Variants in ARFIP1 observed in about 807,000 individuals in gnomAD.
ARFIP1 encodes ARF interacting protein 1, also known as arfaptin-1.
In ARFIP1, 24 loss-of-function variants were observed where a neutral mutation model predicts 42.5. The ratio of observed to expected loss-of-function variants is 0.57; its 90% CI spans 0.41 to 0.80. ARFIP1 has a LOEUF of 0.80. Ranked by LOEUF, ARFIP1 falls within the 30% of genes least tolerant of loss-of-function variation. The probability of loss-of-function intolerance (pLI) is 0.00; values close to 1 mark genes in which losing one functional copy is unlikely to be tolerated. For missense variants in ARFIP1, 354 were observed against 434.0 expected, an observed-to-expected ratio of 0.82 and a Z score of 1.64; for synonymous variants, 141 against 153.7, an observed-to-expected ratio of 0.92 and a Z score of 0.61.
At chr4:152,845,697 A>G (rs1174317471) in intron 2 of ARFIP1, among the ~76,000 whole-genome samples, 1 of 152,182 alleles carries the variant, frequency 6.6e-6, no homozygotes, top group East Asian at 1.9e-4. Context: ...GACAAAAAAT[A>G]ACATACTGGC....
At chr4:152,847,146 T>TTTTTTTTTTTG in intron 2 of ARFIP1, among the ~76,000 whole-genome samples, 1 of 138,678 alleles carries the variant, frequency 7.2e-6, no homozygotes, top group Non-Finnish European at 1.6e-5. Flanking sequence ...TTTTTTTTTT[T>TTTTTTTTTTTG]TTGAGACAGA....
intron 7 of ARFIP1, among the ~76,000 whole-genome samples, chr4:152,886,066 A>T (rs1736235881): frequency 6.6e-6 from 1 of 152,040 alleles, no homozygotes; most frequent in Non-Finnish European, 1.5e-5. Flanking sequence ...CTAACTAGTT[A>T]TTATTGCCAA....
At chr4:152,823,769 TC>T (rs1200671571) in intron 1 of ARFIP1, among the ~76,000 whole-genome samples, 2 of 77,814 alleles carry the variant, frequency 2.6e-5, no homozygotes, top group Non-Finnish European at 4.3e-5. Flanking sequence ...ACAGCAAGTC[TC>T]CATCTCAAAA....
intron 7 of ARFIP1, among the ~76,000 whole-genome samples, chr4:152,884,508 T>A (rs1736111438): frequency 1.3e-5 from 2 of 152,020 alleles, no homozygotes; most frequent in African/African-American, 4.8e-5. Flanking sequence ...TGTTTTAACA[T>A]GTATGGGTTT....
At chr4:152,827,411 C>T (rs1177469038) in intron 1 of ARFIP1, among the ~76,000 whole-genome samples, 1 of 152,144 alleles carries the variant, frequency 6.6e-6, no homozygotes, top group East Asian at 1.9e-4. Context: ...CCTACATTGA[C>T]ACATCATCAC....
intron 8 of ARFIP1, among the ~76,000 whole-genome samples, chr4:152,902,646 T>G (rs1017820946): frequency 1.3e-5 from 2 of 152,254 alleles, no homozygotes; most frequent in African/African-American, 4.8e-5. Flanking sequence ...ATACCTGCTC[T>G]TTCTTTCATT....
At chr4:152,872,652 G>A in intron 5 of ARFIP1, 88 bp downstream of exon 5, 1 of 651,396 alleles carries the variant, frequency 1.5e-6, no homozygotes, top group Non-Finnish European at 2.5e-6. Flanking sequence ...GCAATTAAAT[G>A]CACATAGAGA....
chr4:152,876,813 A>G (rs1735384477), intron 5 of ARFIP1, among the ~76,000 whole-genome samples: 1 of 152,196 alleles, frequency 6.6e-6, no homozygotes, highest in South Asian at 2.1e-4. Context: ...CCTGTGTCCT[A>G]GCCGCTCCAG....
intron 1 of ARFIP1, among the ~76,000 whole-genome samples, chr4:152,794,435 A>G (rs1217753927): frequency 1.3e-5 from 2 of 152,174 alleles, no homozygotes; most frequent in African/African-American, 4.8e-5. Context: ...AGAATACCAC[A>G]AAAATGATGT....
At chr4:152,803,490 A>G (rs1578829062) in intron 1 of ARFIP1, among the ~76,000 whole-genome samples, 2 of 152,176 alleles carry the variant, frequency 1.3e-5, no homozygotes, top group African/African-American at 2.4e-5. Flanking sequence ...CCAGGAGGAC[A>G]CCATTCCCAG....
At chr4:152,799,490 T>C (rs1285485132) in intron 1 of ARFIP1, among the ~76,000 whole-genome samples, 2 of 152,362 alleles carry the variant, frequency 1.3e-5, no homozygotes, top group South Asian at 4.1e-4. Flanking sequence ...GTGATAAGTT[T>C]TAATGTAGGA....
At position 152,905,545 on chromosome 4, in the gene ARFIP1, G is replaced by GCTTT. The variant is rs1554036969; in HGVS notation, c.967-4519_967-4518insCTTT. Reference sequence around the variant, plus strand: ...TTATTCTTACTGAATTGTAAGAATTGTTTTTTTTTTTTTTTTTTTTTTTTT... The same window carrying GCTTT: ...TTATTCTTACTGAATTGTAAGAATTGCTTTTTTTTTTTTTTTTTTTTTTTTTTTT... On this transcript the variant is annotated intron_variant, in intron 8 of 8. Coordinates refer to ENST00000353617, the MANE Select transcript of ARFIP1 (RefSeq NM_001025595.3). Among the ~76,000 whole-genome samples the GCTTT allele has an allele frequency of 6.7e-3, 203 of 30,376 alleles. 1 individual carries two copies. The highest frequency in any genetic ancestry group is 0.024 in the African/African-American group (193 of 8,044). The allele number at this position is 30,376 out of a possible 152,430, so 19.9% of individuals were successfully genotyped here. A position where few individuals can be genotyped will look rare whatever the true frequency, so the allele number is the denominator to read the frequency against.
intron 5 of ARFIP1, among the ~76,000 whole-genome samples, chr4:152,875,031 C>T (rs1297024093): frequency 6.6e-6 from 1 of 152,070 alleles, no homozygotes; most frequent in African/African-American, 2.4e-5. Flanking sequence ...TGCTTTCTAC[C>T]TTTAATTTCT....
chr4:152,907,189 A>G (rs999558413), intron 8 of ARFIP1, among the ~76,000 whole-genome samples: 2 of 152,220 alleles, frequency 1.3e-5, no homozygotes, highest in Non-Finnish European at 2.9e-5. Flanking sequence ...TGCCTGACAC[A>G]TAACAGTATG....
chr4:152,786,597 C>G (rs1437923487), intron 1 of ARFIP1, among the ~76,000 whole-genome samples: 1 of 152,226 alleles, frequency 6.6e-6, no homozygotes, highest in Non-Finnish European at 1.5e-5. Context: ...TCTGTCCTCT[C>G]TAATTCATTA....
chr4:152,850,505 CGGG>C (rs1163899027), intron 2 of ARFIP1: 2 of 149,748 alleles, frequency 1.3e-5, no homozygotes, highest in African/African-American at 4.9e-5. Flanking sequence ...ACACAGGAAA[CGGG>C]GGGGTTGGGT....
At chr4:152,790,597 G>A (rs886805877) in intron 1 of ARFIP1, among the ~76,000 whole-genome samples, 18 of 152,140 alleles carry the variant, frequency 1.2e-4, no homozygotes, top group Non-Finnish European at 4.4e-5. Context: ...GTTGGTTATG[G>A]TGGTAGAGAT....
At chr4:152,813,698 C>T (rs1729648444) in intron 1 of ARFIP1, among the ~76,000 whole-genome samples, 1 of 152,074 alleles carries the variant, frequency 6.6e-6, no homozygotes, top group African/African-American at 2.4e-5. Context: ...TCCATATTTT[C>T]CTTACCTTTC....
chr4:152,842,126 A>G (rs1732140063), intron 2 of ARFIP1, among the ~76,000 whole-genome samples: 1 of 152,152 alleles, frequency 6.6e-6, no homozygotes, highest in Non-Finnish European at 1.5e-5. Context: ...CCAACCAATC[A>G]GATAGTAAAG....
Sources: allele counts gnomAD v4.1 joint callset (sites outside exome capture counted in the v4.1 genomes callset), GRCh38; gene constraint gnomAD v4.1.1; transcripts MANE v1.5; gene names NCBI Gene and HGNC (gene_info 2026-07-23, HGNC 2026-07-21).